Variants in WDR7 observed in about 807,000 individuals in gnomAD.
The protein encoded by WDR7 is WD repeat-containing protein 7.
A neutral mutation model predicts 169.4 loss-of-function variants in WDR7; 46 were observed. The ratio of observed to expected loss-of-function variants is 0.27; its 90% confidence interval spans 0.21 to 0.35. The LOEUF (loss-of-function observed/expected upper bound fraction) is 0.35. Among genes scored for constraint, WDR7 ranks in the 10% least tolerant of loss-of-function variants. WDR7 has a pLI of 1.00. For missense variants in WDR7, 1,534 were observed against 1,859.3 expected, an observed-to-expected ratio of 0.83 and a Z score of 3.22; for synonymous variants, 612 against 666.8, an observed-to-expected ratio of 0.92 and a Z score of 1.27.
rs372037004 is a variant in WDR7 at position 57,022,263 on chromosome 18, A to G, written c.4269+1414A>G. Among the ~76,000 whole-genome samples the G allele has an allele frequency of 7.9e-5, 12 of 152,286 alleles. No homozygotes were observed. The East Asian group carries it at 1.5e-3, about 20-fold the overall frequency. On this transcript the variant is annotated intron_variant, in intron 27 of 27. Coordinates refer to ENST00000254442, the MANE Select transcript of WDR7 (RefSeq NM_015285.3). ...CCCGCCGCCACTCGTGTCTAACTCA[A>G]TGGCCTCTGTTATGTCAGCTGTACC...
Position 56,676,022 on chromosome 18 carries a change from T to C in WDR7, c.160-3310T>C, listed in dbSNP as rs78738771. On this transcript the variant is annotated intron_variant, in intron 2 of 27. Coordinates refer to ENST00000254442, the MANE Select transcript of WDR7 (RefSeq NM_015285.3). ...TGGGGCCTATCTCTCTTGTTAGCTC[T>C]AATAATATTTGCTTTATATATCTGG... Among the ~76,000 whole-genome samples, 423 of 152,184 alleles carry C rather than the reference T, an allele frequency of 2.8e-3. 4 individuals are homozygous for C. In the East Asian group the frequency reaches 0.039, roughly 14 times the overall value.
At chr18:56,713,917 T>C (rs1248380612) in intron 12 of WDR7, among the ~76,000 whole-genome samples, 1 of 152,216 alleles carries the variant, frequency 6.6e-6, no homozygotes, top group Non-Finnish European at 1.5e-5. Flanking sequence ...ATCAGAACTT[T>C]TAAGTGCTTT....
At chr18:56,724,292 G>C (rs1046203760) in intron 13 of WDR7, among the ~76,000 whole-genome samples, 1 of 144,816 alleles carries the variant, frequency 6.9e-6, no homozygotes, top group African/African-American at 2.6e-5. Flanking sequence ...GTTCACTGCA[G>C]TCTCTGCCTC....
intron 19 of WDR7, among the ~76,000 whole-genome samples, chr18:56,807,652 A>G (rs2044798356): frequency 6.7e-6 from 1 of 150,162 alleles, no homozygotes; most frequent in African/African-American, 2.5e-5. Context: ...TAATAATTAC[A>G]TTTTATATGA....
At chr18:56,997,697 G>C (rs995293736) in intron 26 of WDR7, among the ~76,000 whole-genome samples, 3 of 151,734 alleles carry the variant, frequency 2.0e-5, no homozygotes, top group Non-Finnish European at 4.4e-5. Context: ...ATTTTTTTTG[G>C]CACTTGGATT....
intron 12 of WDR7, among the ~76,000 whole-genome samples, chr18:56,707,426 GTT>G (rs1232820703): frequency 3.2e-5 from 4 of 123,840 alleles, no homozygotes; most frequent in Non-Finnish European, 1.7e-5. Context: ...TTTGCGTTTT[GTT>G]TTTTTTTTTT....
chr18:56,785,858 G>A (rs1205757047), intron 19 of WDR7, among the ~76,000 whole-genome samples: 1 of 149,178 alleles, frequency 6.7e-6, no homozygotes, highest in Non-Finnish European at 1.5e-5. Flanking sequence ...AAGAGACAGG[G>A]TCTCGCTGTG....
rs866109769 is a variant in WDR7 at position 56,932,886 on chromosome 18, T to G, written c.3714-2902T>G. Among the ~76,000 whole-genome samples, 1,086 of 135,298 alleles carry G rather than the reference T, an allele frequency of 8.0e-3. 12 individuals carry two copies. The highest frequency in any genetic ancestry group is 0.037 in the African/African-American group (962 of 26,136). The allele number at this position is 135,298 out of a possible 152,430, so 88.8% of individuals were successfully genotyped here. On this transcript the variant is annotated intron_variant, in intron 22 of 27. Coordinates refer to ENST00000254442, the MANE Select transcript of WDR7 (RefSeq NM_015285.3). ...TCTCTTCATTCTGGGTGTGTGTGTG[T>G]GTGTGTGTGTGTGTGTGTGTCTATC...
chr18:56,878,442 T>C (rs777621366), intron 20 of WDR7, among the ~76,000 whole-genome samples: 8 of 152,196 alleles, frequency 5.3e-5, no homozygotes, highest in African/African-American at 1.9e-4. Context: ...CTTAGAAACC[T>C]GAGCTGTTTA....
In WDR7 at chr18:56,744,238, CAAAAAAGAAAAAAAAAAAAAAAAAA is replaced by C. The variant is rs1225968452; in HGVS notation, c.1990-12334_1990-12310del. 8.4e-4 allele frequency among the ~76,000 whole-genome samples: 50 copies of C among 59,196 alleles called. 1 individual carries two copies. Among genetic ancestry groups the C allele is most frequent in the Non-Finnish European group, 1.3e-3 (41 of 32,088 alleles). The allele number at this position is 59,196 out of a possible 152,430, so 38.8% of individuals were successfully genotyped here. A position where few individuals can be genotyped will look rare whatever the true frequency, so the allele number is the denominator to read the frequency against. On this transcript the variant is annotated intron_variant, in intron 14 of 27. Coordinates refer to ENST00000254442, the MANE Select transcript of WDR7 (RefSeq NM_015285.3). Reference sequence around the variant, plus strand: ...TGGGTGACAGAGCGAGACTCCGTCTCAAAAAAGAAAAAAAAAAAAAAAAAAAAAAAAGAAAGAGCACAGGCTGGGT... The same window carrying C: ...TGGGTGACAGAGCGAGACTCCGTCTCAAAAAAGAAAGAGCACAGGCTGGGT...
intron 12 of WDR7, among the ~76,000 whole-genome samples, chr18:56,716,287 T>G (rs1346208190): frequency 1.3e-5 from 2 of 152,186 alleles, no homozygotes; most frequent in East Asian, 3.8e-4. Context: ...GAAAATTCTA[T>G]TAACGTTTTA....
intron 25 of WDR7, among the ~76,000 whole-genome samples, chr18:56,957,844 G>T (rs982831602): frequency 2.0e-5 from 3 of 152,082 alleles, no homozygotes; most frequent in African/African-American, 7.2e-5. Flanking sequence ...GCATTCTAAT[G>T]TCCAAGGAAG....
intron 19 of WDR7, among the ~76,000 whole-genome samples, chr18:56,801,497 T>C (rs2145159890): frequency 6.6e-6 from 1 of 152,344 alleles, no homozygotes; most frequent in South Asian, 2.1e-4. Context: ...AGTTTATTCT[T>C]TGTAGCAGAT....
chr18:56,807,580 G>A (rs1568206705), intron 19 of WDR7, among the ~76,000 whole-genome samples: 1 of 150,736 alleles, frequency 6.6e-6, no homozygotes, highest in Admixed American at 6.6e-5. Flanking sequence ...TACACTTCCT[G>A]TTTTCTATTT....
intron 20 of WDR7, among the ~76,000 whole-genome samples, chr18:56,838,063 G>A (rs2045421930): frequency 7.0e-6 from 1 of 142,512 alleles, no homozygotes; most frequent in African/African-American, 2.9e-5. Context: ...ATCTTAACCA[G>A]CATTATGAAC....
intron 20 of WDR7, among the ~76,000 whole-genome samples, chr18:56,827,687 A>G (rs2045232723): frequency 6.6e-6 from 1 of 152,134 alleles, no homozygotes; most frequent in African/African-American, 2.4e-5. Context: ...TGTACATTTA[A>G]AGATAAGTAA....
Position 56,739,758 on chromosome 18 carries a change from T to TG in WDR7, c.1989+8170dup, listed in dbSNP as rs148104938. On this transcript the variant is annotated intron_variant, in intron 14 of 27. Coordinates refer to ENST00000254442, the MANE Select transcript of WDR7 (RefSeq NM_015285.3). ...TTATCTTCTCATTTCCATCTTTTTT[T>TG]GGGGGGGGGAATAAGCTATCATTCT... Among the ~76,000 whole-genome samples the TG allele has an allele frequency of 1.4e-3, 218 of 151,158 alleles. 1 individual carries two copies. The highest frequency in any genetic ancestry group is 0.01 in the Middle Eastern group (3 of 292).
Position 57,021,147 on chromosome 18 carries a change from T to G in WDR7, c.4269+298T>G, listed in dbSNP as rs115684400. Among the ~76,000 whole-genome samples, 1,098 of 152,080 alleles carry G rather than the reference T, an allele frequency of 7.2e-3. 11 individuals carry two copies. The highest frequency in any genetic ancestry group is 0.025 in the African/African-American group (1,048 of 41,468). ...CCAGGGGAGCCTGAGAATAAGGTGG[T>G]GGGAAGGCTTTTCAGGGGAAGTGAC... On this transcript the variant is annotated intron_variant, in intron 27 of 27. Transcript: ENST00000254442.
chr18:56,829,301 C>T (rs2045269207), intron 20 of WDR7, among the ~76,000 whole-genome samples: 1 of 151,614 alleles, frequency 6.6e-6, no homozygotes, highest in South Asian at 2.1e-4. Context: ...CCCTACCACA[C>T]ACACACACAC....
Sources: gnomAD v4.1 joint callset for allele counts (sites outside exome capture counted in the v4.1 genomes callset) on GRCh38, gnomAD v4.1.1 for gene constraint, MANE v1.5 for transcripts, NCBI Gene and HGNC (gene_info 2026-07-23, HGNC 2026-07-21) for gene names.